Variants in CDKL1 observed in about 807,000 individuals in gnomAD.
The protein encoded by CDKL1 is cyclin-dependent kinase-like 1.
CDKL1 carries 41 observed loss-of-function variants against 42.0 expected under a neutral mutation model. The ratio of observed to expected loss-of-function variants is 0.98; its 90% CI spans 0.76 to 1.27. The LOEUF is 1.27. Among genes scored for constraint, CDKL1 ranks in the 50% most tolerant of loss-of-function variants. The probability of loss-of-function intolerance (pLI) is 0.00; values close to 1 mark genes in which losing one functional copy is unlikely to be tolerated. For missense variants in CDKL1, 394 were observed against 428.4 expected, an observed-to-expected ratio of 0.92 and a Z score of 0.71; for synonymous variants, 153 against 158.6, an observed-to-expected ratio of 0.96 and a Z score of 0.26.
chr14:50,379,680 C>T (rs1034293165), intron 2 of CDKL1, among the ~76,000 whole-genome samples: 1 of 152,118 alleles, frequency 6.6e-6, no homozygotes, highest in Non-Finnish European at 1.5e-5. Context: ...TCATGTGTCA[C>T]CCGACTTGCA....
intron 9 of CDKL1, 99 bp downstream of exon 9, chr14:50,332,163 A>G (rs2032982634): frequency 6.2e-7 from 1 of 1,613,740 alleles, no homozygotes; most frequent in South Asian, 1.1e-5. Flanking sequence ...TAGTGCTGGA[A>G]TGAGGATGCT....
chr14:50,377,806 A>G, intron 2 of CDKL1: 1 of 953,546 alleles, frequency 1.0e-6, no homozygotes, highest in South Asian at 1.9e-5. Context: ...GTTAACACCT[A>G]TAAATCACTG....
At position 50,354,895 on chromosome 14, in the gene CDKL1, A is replaced by G. The variant is rs112261307; in HGVS notation, c.290+4133T>C. Among the ~76,000 whole-genome samples the G allele has an allele frequency of 7.0e-3, 1,065 of 152,306 alleles. 10 individuals are homozygous for G. Among genetic ancestry groups the G allele is most frequent in the Non-Finnish European group, 0.012 (789 of 68,024 alleles). ...ATTTTTAATAATTAAACATTAAAACATTACTATAATAATAAACATGAAAAA... is the reference window on the plus strand; with the variant it reads ...ATTTTTAATAATTAAACATTAAAACGTTACTATAATAATAAACATGAAAAA... On this transcript the variant is annotated intron_variant, in intron 3 of 9. Coordinates refer to ENST00000395834, the MANE Select transcript of CDKL1 (RefSeq NM_004196.7).
chr14:50,397,173 C>T, upstream of CDKL1: 1 of 1,366,556 alleles, frequency 7.3e-7, no homozygotes, highest in Non-Finnish European at 9.8e-7. Context: ...CGCTAGGAGC[C>T]CCTCCTGAGC....
chr14:50,343,035 G>A lies in CDKL1; in HGVS notation c.364-813C>T, dbSNP rs756152417. The A allele has an allele frequency of 4.4e-6, 6 of 1,349,650 alleles. 1 individual carries two copies. The highest frequency in any genetic ancestry group is 2.1e-4 in the Middle Eastern group (1 of 4,770). 83.6% of individuals were successfully genotyped at this position (1,349,650 alleles called of 1,614,324 possible). On this transcript the variant is annotated intron_variant, in intron 4 of 9. Coordinates refer to ENST00000395834, the MANE Select transcript of CDKL1 (RefSeq NM_004196.7). ...AATCACCTGTGGTTTCCAGCCCACAGCCAACATTCTTAAACAGGGTGATCT... is the reference window on the plus strand; with the variant it reads ...AATCACCTGTGGTTTCCAGCCCACAACCAACATTCTTAAACAGGGTGATCT...
intron 9 of CDKL1, chr14:50,331,633 G>A (rs2032946413): frequency 5.1e-6 from 1 of 197,400 alleles, no homozygotes; most frequent in African/African-American, 2.4e-5. Flanking sequence ...GGTTACCCAG[G>A]ATCAGTTGTG....
chr14:50,396,737 G>A (rs532691611), intron 1 of CDKL1, 87 bp downstream of exon 1: 109 of 154,244 alleles, frequency 7.1e-4, no homozygotes, highest in Non-Finnish European at 1.4e-3. Flanking sequence ...GCGCCCGGAC[G>A]TGCACCTCAG....
Position 50,360,168 on chromosome 14 carries a change from G to A in CDKL1, c.169-1019C>T, listed in dbSNP as rs780240825. Among the ~76,000 whole-genome samples the A allele has an allele frequency of 5.9e-5, 9 of 151,990 alleles. 1 individual carries two copies. The highest frequency in any genetic ancestry group is 1.3e-4 in the Admixed American group (2 of 15,236). On this transcript the variant is annotated intron_variant, in intron 2 of 9. Coordinates refer to ENST00000395834, the MANE Select transcript of CDKL1 (RefSeq NM_004196.7). Reference sequence around the variant, plus strand: ...TTTTACAATCAAATGTTGTTTTATCGCATTAACTTTCCGCCCTGATTTTTA... The same window carrying A: ...TTTTACAATCAAATGTTGTTTTATCACATTAACTTTCCGCCCTGATTTTTA...
intron 8 of CDKL1, chr14:50,332,724 C>T (rs1272022792): frequency 1.3e-6 from 2 of 1,508,802 alleles, no homozygotes; most frequent in African/African-American, 1.4e-5. Flanking sequence ...TTAGAGTTTA[C>T]CTCAGTGGCC....
At position 50,331,992 on chromosome 14, in the gene CDKL1, T is replaced by C. The variant is rs1379946835; in HGVS notation, c.966+270A>G. 4.6e-6 allele frequency: 7 copies of C among 1,513,744 alleles called. No homozygotes were observed. The South Asian group carries it at 7.4e-5, about 16-fold the overall frequency. The allele number at this position is 1,513,744 out of a possible 1,614,324, so 93.8% of individuals were successfully genotyped here. A position where few individuals can be genotyped will look rare whatever the true frequency, so the allele number is the denominator to read the frequency against. ...GTCTCCTTAGCTGGACTCATACTCATGTACCTTGTTGAGACCTGTGCTCAT... is the reference window on the plus strand; with the variant it reads ...GTCTCCTTAGCTGGACTCATACTCACGTACCTTGTTGAGACCTGTGCTCAT... On this transcript the variant is annotated intron_variant, in intron 9 of 9. Transcript: ENST00000395834.
Position 50,332,246 on chromosome 14 carries a change from C to A in CDKL1, c.966+16G>T, listed in dbSNP as rs192017915. 114 of 1,614,148 alleles carry A rather than the reference C, an allele frequency of 7.1e-5. 1 individual carries two copies. In the African/African-American group the frequency reaches 1.4e-3, roughly 20 times the overall value. On this transcript the variant is annotated intron_variant, in intron 9 of 9. Transcript: ENST00000395834. ...CTGTACCAGGTGGCAGGTAGGAGAT[C>A]ATTTCAAATTATAACCTTGGATGTT...
intron 9 of CDKL1, chr14:50,330,486 G>A: frequency 3.5e-6 from 1 of 282,270 alleles, no homozygotes; most frequent in Non-Finnish European, 6.6e-6. Context: ...AGCTTGCTGA[G>A]ATCTTAGGGA....
chr14:50,335,375 T>C, intron 7 of CDKL1: 1 of 783,456 alleles, frequency 1.3e-6, no homozygotes. Flanking sequence ...GTTTTTCCCC[T>C]ACCCAGGTGA....
chr14:50,377,538 T>C (rs72677847), intron 2 of CDKL1: 39,145 of 1,302,112 alleles, frequency 0.03, 647 homozygotes, highest in Non-Finnish European at 0.035. Context: ...AGACCATTGG[T>C]ACCTGAAGTG....
At chr14:50,340,066 C>T (rs2033456232) in intron 6 of CDKL1, among the ~76,000 whole-genome samples, 1 of 152,184 alleles carries the variant, frequency 6.6e-6, no homozygotes, top group Non-Finnish European at 1.5e-5. Flanking sequence ...CAATTCCTTG[C>T]ACCTTAATAA....
At chr14:50,363,809 AGGCCCAAAGGTCCTCTCCATTT>A (rs1004740173) in intron 2 of CDKL1, 10 of 152,270 alleles carry the variant, frequency 6.6e-5, no homozygotes, top group Non-Finnish European at 1.2e-4. Context: ...CCCCAGGACA[AGGCCCAAAGGTCCTCTCCATTT>A]GGCCTCTGCT....
In CDKL1 at chr14:50,371,664, T is replaced by C. The variant is rs11570799; in HGVS notation, c.169-12515A>G. The stretch of plus-strand genomic sequence containing the variant: ...GGGAGGCGCAGCCATGGCTGTGTGC[T>C]CCCTGGAGCTGGCAGGAGCTGGGAA... On this transcript the variant is annotated intron_variant, in intron 2 of 9. Coordinates refer to ENST00000395834, the MANE Select transcript of CDKL1 (RefSeq NM_004196.7). Among the ~76,000 whole-genome samples, 9 of 152,344 alleles carry C rather than the reference T, an allele frequency of 5.9e-5. No individual in the cohort carries two copies. In the South Asian group the frequency reaches 1.9e-3, roughly 32 times the overall value.
chr14:50,390,690 G>C (rs1356152547), intron 2 of CDKL1, among the ~76,000 whole-genome samples: 3 of 152,174 alleles, frequency 2.0e-5, no homozygotes, highest in African/African-American at 7.2e-5. Flanking sequence ...GAACCACATA[G>C]CCCTTTCCTT....
At chr14:50,356,229 C>T (rs569785696) in intron 3 of CDKL1, among the ~76,000 whole-genome samples, 18 of 152,150 alleles carry the variant, frequency 1.2e-4, no homozygotes, top group African/African-American at 4.1e-4. Context: ...GTCTTCTGAC[C>T]CCTAAGGTAC....
Sources: allele counts gnomAD v4.1 joint callset (sites outside exome capture counted in the v4.1 genomes callset), GRCh38; gene constraint gnomAD v4.1.1; transcripts MANE v1.5; gene names NCBI Gene and HGNC (gene_info 2026-07-23, HGNC 2026-07-21).